TJP2: variants seen among roughly 807,000 people sequenced by gnomAD.
TJP2 encodes the protein Friedreich ataxia region gene X104 (tight junction protein ZO-2).
In TJP2, 91 loss-of-function variants were observed where a neutral mutation model predicts 133.1. That is an observed-to-expected ratio of 0.68 (90% CI 0.58 to 0.81). TJP2 has a LOEUF of 0.81. Ranked by LOEUF, TJP2 falls within the 40% of genes least tolerant of loss-of-function variation. The pLI is 0.00. For synonymous variants in TJP2, 592 were observed against 583.4 expected, an observed-to-expected ratio of 1.01 and a Z score of -0.21; for missense variants, 1,541 against 1,565.6, an observed-to-expected ratio of 0.98 and a Z score of 0.26.
chr9:69,179,997 A>G (rs1480381617), intron 1 of TJP2, among the ~76,000 whole-genome samples: 3 of 152,210 alleles, frequency 2.0e-5, no homozygotes. Context: ...GGTAATTATT[A>G]TTTCTATTGT....
Position 69,229,326 on chromosome 9 carries a change from G to A in TJP2, c.1520+76G>A, listed in dbSNP as rs1187013621. ...TCTGTAACTGAAATCCAGAAGAGTG[G>A]TGGTTTTTGCCTAGATGGTGATTTT... is the stretch of plus-strand genomic sequence containing the variant. On this transcript the variant is annotated intron_variant, in intron 10 of 22. Transcript: ENST00000377245. The A allele has an allele frequency of 3.4e-6, 5 of 1,484,672 alleles. No individual in the cohort carries two copies. The Admixed American group carries it at 6.7e-5, about 20-fold the overall frequency. The allele number at this position is 1,484,672 out of a possible 1,614,324, so 92.0% of individuals were successfully genotyped here. A position where few individuals can be genotyped will look rare whatever the true frequency, so the allele number is the denominator to read the frequency against.
chr9:69,230,314 A>G (rs538975647), intron 11 of TJP2, 82 bp downstream of exon 11: 3 of 1,578,300 alleles, frequency 1.9e-6, no homozygotes, highest in African/African-American at 2.7e-5. Flanking sequence ...AGGGAAGACA[A>G]AATGGTTCAG....
At chr9:69,248,436 G>C in intron 19 of TJP2, 1 of 1,420,570 alleles carries the variant, frequency 7.0e-7, no homozygotes, top group South Asian at 1.7e-5. Flanking sequence ...GAGCTTGAGG[G>C]GTCAGCACTC....
chr9:69,195,637 T>C (rs1190785487), intron 1 of TJP2, among the ~76,000 whole-genome samples: 2 of 152,206 alleles, frequency 1.3e-5, no homozygotes, highest in Non-Finnish European at 2.9e-5. Context: ...TAGCACGGTG[T>C]CTGGCATATT....
At chr9:69,133,586 C>T (rs1339668185) in intron 1 of TJP2, among the ~76,000 whole-genome samples, 1 of 137,008 alleles carries the variant, frequency 7.3e-6, no homozygotes, top group African/African-American at 2.8e-5. Context: ...GGGTCTCGCT[C>T]TGTCACCCAG....
intron 1 of TJP2, among the ~76,000 whole-genome samples, chr9:69,187,156 G>A (rs1157038729): frequency 1.3e-5 from 2 of 152,132 alleles, no homozygotes; most frequent in Non-Finnish European, 2.9e-5. Context: ...AATCTCTCTC[G>A]CCTATTAATA....
chr9:69,162,418 T>C (rs1292559130), intron 2 of TJP2, among the ~76,000 whole-genome samples: 2 of 152,172 alleles, frequency 1.3e-5, no homozygotes, highest in South Asian at 4.1e-4. Context: ...CTGTTTACAC[T>C]TAACACATCT....
At position 69,150,326 on chromosome 9, in the gene TJP2, C is replaced by T. The variant is rs147450278; in HGVS notation, c.-130-1325C>T. 4.2e-3 allele frequency among the ~76,000 whole-genome samples: 608 copies of T among 145,444 alleles called. 5 individuals carry two copies. The highest frequency in any genetic ancestry group is 0.014 in the African/African-American group (548 of 39,400). On this transcript the variant is annotated intron_variant, in intron 1 of 5. Coordinates refer to the TJP2 transcript ENST00000423935. ...TTTTTTTTTTGAGACAAGAGTTTCA[C>T]TCTTGTCGCCAGGCTGGAATGCAGT...
chr9:69,161,507 A>G (rs968080038), intron 2 of TJP2, among the ~76,000 whole-genome samples: 5 of 152,080 alleles, frequency 3.3e-5, no homozygotes, highest in Non-Finnish European at 5.9e-5. Context: ...GATTACAGGC[A>G]TGAGCCACTG....
At chr9:69,206,220 G>C (rs1013856766) in intron 1 of TJP2, among the ~76,000 whole-genome samples, 6 of 152,128 alleles carry the variant, frequency 3.9e-5, no homozygotes, top group African/African-American at 1.4e-4. Context: ...GCACATTGAA[G>C]ATCCTCCTAA....
chr9:69,156,342 A>G (rs569397080), intron 2 of TJP2, among the ~76,000 whole-genome samples: 2 of 152,258 alleles, frequency 1.3e-5, no homozygotes, highest in African/African-American at 4.8e-5. Context: ...AGCCTGCGCA[A>G]CAGAGTGAGA....
chr9:69,180,971 C>T (rs1015240730), intron 1 of TJP2, among the ~76,000 whole-genome samples: 1 of 152,122 alleles, frequency 6.6e-6, no homozygotes, highest in Non-Finnish European at 1.5e-5. Context: ...ATCCACTAAA[C>T]GTTGGACTGA....
intron 11 of TJP2, among the ~76,000 whole-genome samples, 166 bp from the exon 12 acceptor site, chr9:69,234,273 A>G (rs1460978132): frequency 1.3e-5 from 2 of 152,124 alleles, no homozygotes; most frequent in African/African-American, 4.8e-5. Context: ...TTGAATAGTG[A>G]CATTAAGGAC....
At chr9:69,238,925 C>A (rs1004502860) in intron 16 of TJP2, 136 bp downstream of exon 16, 4 of 769,726 alleles carry the variant, frequency 5.2e-6, no homozygotes, top group Non-Finnish European at 8.9e-6. Context: ...CAGTGGCTTA[C>A]ACCTGTAATC....
Position 69,163,020 on chromosome 9 carries a change from A to ATTT in TJP2, c.-10+11251_-10+11253dup, listed in dbSNP as rs201502981. On this transcript the variant is annotated intron_variant, in intron 2 of 5. Transcript: ENST00000423935. ...TAATTATTTTTTAAAAAGTATCTTT[A>ATTT]TTTTATTTTATTTTTTTTTTTTTGA... Among the ~76,000 whole-genome samples the ATTT allele has an allele frequency of 5.8e-4, 50 of 86,020 alleles. 10 individuals are homozygous for ATTT. Among genetic ancestry groups the ATTT allele is most frequent in the African/African-American group, 1.5e-3 (36 of 23,420 alleles). 56.4% of individuals were successfully genotyped at this position (86,020 alleles called of 152,430 possible).
chr9:69,214,686 G>C (rs1351554052), intron 2 of TJP2, among the ~76,000 whole-genome samples: 2 of 151,946 alleles, frequency 1.3e-5, no homozygotes, highest in Non-Finnish European at 2.9e-5. Flanking sequence ...GGCCAACATG[G>C]TGAAACCCTC....
chr9:69,122,440 C>G (rs1345804870), intron 1 of TJP2, among the ~76,000 whole-genome samples: 3 of 152,218 alleles, frequency 2.0e-5, no homozygotes, highest in Admixed American at 2.0e-4. Context: ...GGGATCTCCT[C>G]CGCCTAACGC....
intron 1 of TJP2, among the ~76,000 whole-genome samples, chr9:69,183,189 C>T (rs1294247966): frequency 6.6e-6 from 1 of 152,164 alleles, no homozygotes; most frequent in Non-Finnish European, 1.5e-5. Flanking sequence ...ATTTAATACA[C>T]TCACAGTATT....
chr9:69,208,113 C>A (rs543769553), intron 1 of TJP2, among the ~76,000 whole-genome samples: 2 of 152,254 alleles, frequency 1.3e-5, no homozygotes, highest in African/African-American at 2.4e-5. Flanking sequence ...TTCTGTGAGA[C>A]CTTCCCAAAA....
Sources: gnomAD v4.1 joint callset for allele counts (sites outside exome capture counted in the v4.1 genomes callset) on GRCh38, gnomAD v4.1.1 for gene constraint, MANE v1.5 for transcripts, NCBI Gene and HGNC (gene_info 2026-07-23, HGNC 2026-07-21) for gene names.